Variants in NXN observed in about 807,000 individuals in gnomAD.
NXN encodes nucleoredoxin 1.
A neutral mutation model predicts 48.6 loss-of-function variants in NXN; 16 were observed. That is an observed-to-expected ratio of 0.33 (90% CI 0.22 to 0.50). The LOEUF is 0.50. Ranked by LOEUF, NXN falls within the 20% of genes least tolerant of loss-of-function variation. The probability of loss-of-function intolerance (pLI) is 0.98; values close to 1 mark genes in which losing one functional copy is unlikely to be tolerated. For missense variants in NXN, 492 were observed against 605.5 expected (o/e 0.81, Z 1.97); for synonymous variants, 281 against 269.6 (o/e 1.04, Z -0.41).
At chr17:959,255 G>A (rs1172174706) in intron 1 of NXN, 4 of 674,706 alleles carry the variant, frequency 5.9e-6, no homozygotes, top group Non-Finnish European at 8.7e-6. Context: ...CCCCTCCAAA[G>A]CCTTCCTTTC....
At chr17:805,631 G>A (rs575737371) in intron 5 of NXN, among the ~76,000 whole-genome samples, 2 of 152,006 alleles carry the variant, frequency 1.3e-5, no homozygotes, top group East Asian at 2.0e-4. Context: ...GAGGTCAGGA[G>A]TTGGAGACCA....
At chr17:891,305 G>A (rs984170566) in intron 1 of NXN, among the ~76,000 whole-genome samples, 7 of 152,152 alleles carry the variant, frequency 4.6e-5, no homozygotes, top group East Asian at 1.9e-4. Flanking sequence ...GAGCTCAAGC[G>A]ATCCTCCCAC....
At chr17:834,917 C>T (rs1054234967) in intron 1 of NXN, among the ~76,000 whole-genome samples, 4 of 150,938 alleles carry the variant, frequency 2.7e-5, no homozygotes, top group Admixed American at 6.6e-5. Flanking sequence ...AGATGACAGG[C>T]GTGAGCCACC....
intron 1 of NXN, among the ~76,000 whole-genome samples, chr17:881,018 G>C (rs1016281529): frequency 6.6e-6 from 1 of 152,058 alleles, no homozygotes; most frequent in Non-Finnish European, 1.5e-5. Context: ...CCGTGGCCCA[G>C]GCTCTGGGAG....
chr17:946,745 C>T (rs1366355308), intron 1 of NXN, among the ~76,000 whole-genome samples: 2 of 152,248 alleles, frequency 1.3e-5, no homozygotes, highest in African/African-American at 4.8e-5. Context: ...ACGGGCTCGG[C>T]CAGCACATCT....
chr17:914,724 A>T (rs901390697), intron 1 of NXN, among the ~76,000 whole-genome samples: 1 of 152,202 alleles, frequency 6.6e-6, no homozygotes, highest in African/African-American at 2.4e-5. Context: ...TCATTAACTC[A>T]GCAAGCGAGT....
chr17:909,417 T>C (rs932872929), intron 1 of NXN, among the ~76,000 whole-genome samples: 2 of 152,136 alleles, frequency 1.3e-5, no homozygotes, highest in African/African-American at 2.4e-5. Flanking sequence ...TGGACAGACC[T>C]GCACTGTTGA....
chr17:932,646 G>C lies in NXN; in HGVS notation c.360+46673C>G, dbSNP rs1238199488. On this transcript the variant is annotated intron_variant, in intron 1 of 7. Transcript: ENST00000336868. This position sits in a 1 kb window ranked among gnomAD's most constrained non-coding sequence, Gnocchi z 4.1. Reference sequence around the variant, plus strand: ...CCCTGTGTGAGCTCTAGTGGGGTCAGCAGCAAGGACCCATCACCGGAAGAG... The same window carrying C: ...CCCTGTGTGAGCTCTAGTGGGGTCACCAGCAAGGACCCATCACCGGAAGAG... Among the ~76,000 whole-genome samples, 1 of 152,186 alleles carries C rather than the reference G, an allele frequency of 6.6e-6. No homozygotes were observed. The highest frequency in any genetic ancestry group is 6.5e-5 in the Admixed American group (1 of 15,282).
chr17:826,803 C>T (rs553396372), intron 1 of NXN, among the ~76,000 whole-genome samples: 53 of 152,258 alleles, frequency 3.5e-4, no homozygotes, highest in African/African-American at 1.2e-3. Flanking sequence ...CTCTCGGTGC[C>T]GCGTAAAACA....
rs867710061 is a variant in NXN, at chr17:968,430, C to T, written c.360+10889G>A. Among the ~76,000 whole-genome samples the T allele has an allele frequency of 3.9e-5, 6 of 152,064 alleles. No homozygotes were observed. The Middle Eastern group carries it at 0.014, about 345-fold the overall frequency. On this transcript the variant is annotated intron_variant, in intron 1 of 7. Transcript: ENST00000336868. ...TATGCAAAGATACACAGATGCAGCC[C>T]GGCGTGGTGGTGCACACCTGCATTC...
chr17:950,864 C>A (rs1294725922), intron 1 of NXN, among the ~76,000 whole-genome samples: 1 of 152,010 alleles, frequency 6.6e-6, no homozygotes, highest in Non-Finnish European at 1.5e-5. Context: ...ACAAATGACA[C>A]ACCAAGCCAG....
Position 979,594 on chromosome 17 carries a change from G to C in NXN, c.85C>G (p.Arg29Gly). 2 of 1,445,746 alleles carry C rather than the reference G, an allele frequency of 1.4e-6. No homozygotes were observed. Among genetic ancestry groups the C allele is most frequent in the Middle Eastern group, 1.8e-4 (1 of 5,524 alleles). 89.6% of individuals were successfully genotyped at this position (1,445,746 alleles called of 1,614,324 possible). The change falls in exon 1 of 8, where the codon CGC (arginine) becomes GGC (glycine). Residue 29 changes from arginine (R) to glycine (G), a missense_variant. Physicochemically the swap from Arg to Gly is moderately radical, Grantham distance 125 (BLOSUM62 -2). Coordinates refer to ENST00000336868, the MANE Select transcript of NXN (RefSeq NM_022463.5). ...EEVDVHSLGA[R>G]GISLLGLYFG... ...TAGAGACCCAGCAGCGAGATGCCGCGGGCGCCCAGCGAGTGCACGTCCACC... is the reference window on the plus strand; with the variant it reads ...TAGAGACCCAGCAGCGAGATGCCGCCGGCGCCCAGCGAGTGCACGTCCACC...
At chr17:803,835 C>G in intron 6 of NXN, 29 bp from the exon 7 acceptor site, 1 of 1,612,906 alleles carries the variant, frequency 6.2e-7, no homozygotes, top group South Asian at 1.1e-5. Flanking sequence ...TAGAAAAAGA[C>G]GGGGAGAAAA....
At chr17:976,911 C>T (rs2069466542) in intron 1 of NXN, among the ~76,000 whole-genome samples, 1 of 152,054 alleles carries the variant, frequency 6.6e-6, no homozygotes, top group Admixed American at 6.6e-5. Context: ...GGACTAGAGG[C>T]ATGCGCCACC....
intron 1 of NXN, among the ~76,000 whole-genome samples, chr17:939,832 C>A (rs530460619): frequency 6.6e-6 from 1 of 152,132 alleles, no homozygotes; most frequent in Admixed American, 6.5e-5. Flanking sequence ...TTTTTGTATT[C>A]GATGATCCAT....
intron 1 of NXN, among the ~76,000 whole-genome samples, chr17:881,272 C>T (rs1002970584): frequency 1.3e-5 from 2 of 152,206 alleles, no homozygotes; most frequent in Non-Finnish European, 2.9e-5. Context: ...TTGTTTGAGA[C>T]AGGATCTCAC....
At chr17:890,442 C>A (rs1268455019) in intron 1 of NXN, among the ~76,000 whole-genome samples, 1 of 152,084 alleles carries the variant, frequency 6.6e-6, no homozygotes, top group Admixed American at 6.6e-5. Context: ...GACACAATCT[C>A]GGTTCACTGC....
intron 1 of NXN, among the ~76,000 whole-genome samples, chr17:934,392 G>A (rs2068885339): frequency 1.3e-5 from 2 of 151,396 alleles, no homozygotes; most frequent in Admixed American, 1.3e-4. Context: ...CTTGCAGTGA[G>A]CCGAGATAGC....
At position 823,650 on chromosome 17, in the gene NXN, G is replaced by C. The variant is rs2144646627; in HGVS notation, c.594C>G (p.Val198=). 6.2e-7 allele frequency: 1 copy of C among 1,614,088 alleles called. No homozygotes were observed. The highest frequency in any genetic ancestry group is 8.5e-7 in the Non-Finnish European group (1 of 1,179,998). Residue 198 remains valine (V), a synonymous_variant, in exon 3 of 8, where the codon GTC becomes GTG. Transcript: ENST00000336868. ...CACTCACCCAATGTGCGGAGAAATA[G>C]ACGCCCACGTGAGACCCCTCCAGGC... ...SSSLEGSHVG[V]YFSAHWCPPC...
Sources: allele counts gnomAD v4.1 joint callset (sites outside exome capture counted in the v4.1 genomes callset), GRCh38; gene constraint gnomAD v4.1.1; non-coding constraint Gnocchi (gnomAD v3.1); transcripts MANE v1.5; gene names NCBI Gene and HGNC (gene_info 2026-07-23, HGNC 2026-07-21).